The following TRAK2 variants were observed in gnomAD, a reference collection of about 807,000 sequenced individuals.
TRAK2 encodes trafficking kinesin-binding protein 2.
Under a neutral mutation model 104.6 loss-of-function variants are expected in TRAK2, and 81 were observed. The ratio of observed to expected loss-of-function variants is 0.77; its 90% CI spans 0.65 to 0.93. The LOEUF (loss-of-function observed/expected upper bound fraction) is 0.93, where lower values mean the gene tolerates loss of function less well. Among genes scored for constraint, TRAK2 ranks in the 40% least tolerant of loss-of-function variants. The pLI, the probability that TRAK2 is intolerant of heterozygous loss-of-function variation, is 0.00. For synonymous variants in TRAK2, 406 were observed against 394.4 expected (o/e 1.03, Z -0.35); for missense variants, 1,002 against 1,089.0 (o/e 0.92, Z 1.12).
At chr2:201,388,053 C>T in intron 12 of TRAK2, 52 bp from the exon 13 acceptor site, 5 of 1,542,070 alleles carry the variant, frequency 3.2e-6, no homozygotes, top group Non-Finnish European at 4.5e-6. Flanking sequence ...TCAGCATGAC[C>T]CAGACCTCTC....
chr2:201,390,432 C>T (rs1205458385), intron 10 of TRAK2, among the ~76,000 whole-genome samples: 2 of 149,748 alleles, frequency 1.3e-5, no homozygotes, highest in Middle Eastern at 3.5e-3. Flanking sequence ...GGTGTGCTGG[C>T]GGGCGCCTGT....
intron 1 of TRAK2, among the ~76,000 whole-genome samples, chr2:201,422,588 G>A (rs962240099): frequency 1.1e-4 from 17 of 152,204 alleles, no homozygotes; most frequent in African/African-American, 3.9e-4. Context: ...GAAGAATAGA[G>A]AAGCACTTTG....
intron 2 of TRAK2, among the ~76,000 whole-genome samples, chr2:201,417,673 T>G (rs911442143): frequency 2.0e-5 from 3 of 152,214 alleles, no homozygotes; most frequent in African/African-American, 7.2e-5. Context: ...GTCAAGGATG[T>G]TTGCTCTTAC....
chr2:201,393,836 C>T (rs1016188225), intron 9 of TRAK2, among the ~76,000 whole-genome samples: 8 of 152,172 alleles, frequency 5.3e-5, no homozygotes, highest in Non-Finnish European at 1.0e-4. Flanking sequence ...CAGTCTCAAT[C>T]TTCTGGGCTT....
At chr2:201,440,110 AAAAAAG>A (rs1951909123) in intron 1 of TRAK2, among the ~76,000 whole-genome samples, 1 of 152,094 alleles carries the variant, frequency 6.6e-6, no homozygotes, top group African/African-American at 2.4e-5. Context: ...CTTAAAGAAG[AAAAAAG>A]AAAAAGAAAA....
chr2:201,379,486 TGC>T lies in TRAK2; in HGVS notation c.*1055_*1056del, dbSNP rs1951318440. 6.6e-6 allele frequency: 1 copy of T among 152,646 alleles called. No individual in the cohort carries two copies. Among genetic ancestry groups the T allele is most frequent in the African/African-American group, 2.4e-5 (1 of 41,468 alleles). The allele number at this position is 152,646 out of a possible 1,614,324, so 9.5% of individuals were successfully genotyped here. ...TACTTCAGTTTACAATAATTTAATG[TGC>T]CTGAGAATTTTTGTGCAAATACATG... On this transcript the variant is annotated 3_prime_UTR_variant, in exon 16 of 16. Coordinates refer to ENST00000332624, the MANE Select transcript of TRAK2 (RefSeq NM_015049.3).
rs1378732075 is a variant in TRAK2, at chr2:201,391,808, C to T, written c.1113+1101G>A. Among the ~76,000 whole-genome samples the T allele has an allele frequency of 3.3e-5, 5 of 152,238 alleles. No homozygotes were observed. The South Asian group carries it at 8.3e-4, about 25-fold the overall frequency. ...TTACTGGAATCTAATCATGAGGATG[C>T]ATCAGACAATCCTAAACTGAGGACA... On this transcript the variant is annotated intron_variant, in intron 10 of 15. Coordinates refer to ENST00000332624, the MANE Select transcript of TRAK2 (RefSeq NM_015049.3).
At position 201,386,490 on chromosome 2, in the gene TRAK2, T is replaced by C; in HGVS notation, c.1697-6A>G. On this transcript the variant is annotated splice_polypyrimidine_tract_variant and splice_region_variant and intron_variant, in intron 13 of 15. Coordinates refer to ENST00000332624, the MANE Select transcript of TRAK2 (RefSeq NM_015049.3). ...GTGATACAGAGTTTGTGATCCTGAATATGCAAAACAAAGGAAGGGGAAAGG... is the reference window on the plus strand; with the variant it reads ...GTGATACAGAGTTTGTGATCCTGAACATGCAAAACAAAGGAAGGGGAAAGG... The C allele has an allele frequency of 6.2e-7, 1 of 1,612,058 alleles. No individual in the cohort carries two copies.
chr2:201,427,745 A>G (rs760968527), intron 1 of TRAK2, among the ~76,000 whole-genome samples: 30 of 152,230 alleles, frequency 2.0e-4, no homozygotes, highest in Non-Finnish European at 1.3e-4. Context: ...AGGAATCACC[A>G]CACTGTCTTC....
chr2:201,420,814 AC>A lies in TRAK2; in HGVS notation c.-199-109del, dbSNP rs1210777105. The A allele has an allele frequency of 2.9e-5, 7 of 240,074 alleles. No individual in the cohort carries two copies. In the East Asian group the frequency reaches 6.0e-4, roughly 21 times the overall value. The allele number at this position is 240,074 out of a possible 1,614,324, so 14.9% of individuals were successfully genotyped here. ...AAATGTTTTTCTAATGATTCATACA[AC>A]ATGGATAAATCTCATAATTATGCTG... On this transcript the variant is annotated intron_variant, in intron 1 of 15. Transcript: ENST00000332624.
intron 1 of TRAK2, among the ~76,000 whole-genome samples, chr2:201,428,872 G>A (rs1281921165): frequency 6.6e-6 from 1 of 152,176 alleles, no homozygotes; most frequent in African/African-American, 2.4e-5. Flanking sequence ...TCTCCTTGAA[G>A]AGGTCCTTCA....
intron 3 of TRAK2, among the ~76,000 whole-genome samples, chr2:201,405,939 G>A (rs1197911606): frequency 6.6e-5 from 10 of 152,250 alleles, no homozygotes; most frequent in Admixed American, 3.9e-4. Context: ...AGGCGAGATC[G>A]TGCCACTATA....
chr2:201,427,287 T>C (rs185170205), intron 1 of TRAK2, among the ~76,000 whole-genome samples: 1 of 152,276 alleles, frequency 6.6e-6, no homozygotes, highest in Non-Finnish European at 1.5e-5. Flanking sequence ...ACACATCATT[T>C]ACATTAGGTA....
At chr2:201,402,230 A>C (rs1303403831) in intron 3 of TRAK2, among the ~76,000 whole-genome samples, 1 of 152,086 alleles carries the variant, frequency 6.6e-6, no homozygotes, top group Non-Finnish European at 1.5e-5. Flanking sequence ...AATTCTCTGA[A>C]TTGGCAGTAA....
chr2:201,380,846 C>T lies in TRAK2; in HGVS notation c.2442G>A (p.Glu814=), dbSNP rs1315545116. The change falls in exon 16 of 16, where the codon GAG becomes GAA. Residue 814 remains glutamate, a synonymous_variant. Transcript: ENST00000332624. ...TCCGGGAGGGTCTCAAGCCATACAT[C>T]TCCTGGAGGAATGTCTCAGCTGGTC... ...ASRPAETFLQ[E]MYGLRPSRNP... 2.5e-6 allele frequency: 4 copies of T among 1,613,954 alleles called. No individual in the cohort carries two copies. The highest frequency in any genetic ancestry group is 2.2e-5 in the South Asian group (2 of 91,076).
intron 3 of TRAK2, among the ~76,000 whole-genome samples, chr2:201,403,721 T>C (rs190857771): frequency 7.0e-6 from 1 of 142,136 alleles, no homozygotes; most frequent in Admixed American, 7.1e-5. Flanking sequence ...CAGTTTTCCA[T>C]AGAACAAATG....
chr2:201,443,418 T>C (rs1378106943), intron 1 of TRAK2, among the ~76,000 whole-genome samples: 3 of 152,230 alleles, frequency 2.0e-5, no homozygotes, highest in Non-Finnish European at 4.4e-5. Flanking sequence ...CACTGGATCA[T>C]CCCATTCCCT....
rs1951319371 is a variant in TRAK2 at position 201,379,572 on chromosome 2, C to T, written c.*971G>A. The T allele has an allele frequency of 6.6e-6, 1 of 152,524 alleles. No individual in the cohort carries two copies. 9.4% of individuals were successfully genotyped at this position (152,524 alleles called of 1,614,324 possible). ...TGGAAAAAGTTGGTTTAGTTGTCAC[C>T]AACTTTTCTTACAAAAAAAGTTTAC... On this transcript the variant is annotated 3_prime_UTR_variant, in exon 16 of 16. Transcript: ENST00000332624.
chr2:201,421,165 T>C (rs1416767840), intron 1 of TRAK2, among the ~76,000 whole-genome samples: 1 of 152,208 alleles, frequency 6.6e-6, no homozygotes, highest in Non-Finnish European at 1.5e-5. Context: ...AATAATATAT[T>C]GTAGAGTCTA....
Sources: gnomAD v4.1 joint callset for allele counts (sites outside exome capture counted in the v4.1 genomes callset) on GRCh38, gnomAD v4.1.1 for gene constraint, MANE v1.5 for transcripts, NCBI Gene and HGNC (gene_info 2026-07-23, HGNC 2026-07-21) for gene names.